The following LUZP2 variants were observed in gnomAD, a reference collection of about 807,000 sequenced individuals.
The protein encoded by LUZP2 is leucine zipper protein 2.
A neutral mutation model predicts 51.6 loss-of-function variants in LUZP2; 52 were observed. That is an observed-to-expected ratio of 1.01 (90% CI 0.81 to 1.27). The LOEUF is 1.27. LUZP2 is among the 50% of genes most tolerant of loss of function. LUZP2 has a pLI of 0.00. For synonymous variants in LUZP2, 154 were observed against 137.3 expected (o/e 1.12, Z -0.85); for missense variants, 436 against 395.4 (o/e 1.10, Z -0.87).
intron 1 of LUZP2, among the ~76,000 whole-genome samples, chr11:24,635,308 C>T (rs1855054272): frequency 6.6e-6 from 1 of 151,868 alleles, no homozygotes; most frequent in Admixed American, 6.6e-5. Context: ...AAAATGCAAA[C>T]ACTTGATCTT....
At chr11:24,625,810 G>A (rs893353096) in intron 1 of LUZP2, among the ~76,000 whole-genome samples, 2 of 152,068 alleles carry the variant, frequency 1.3e-5, no homozygotes, top group African/African-American at 2.4e-5. Context: ...TAAAGAAATA[G>A]AGTAGATTAG....
chr11:24,993,336 T>G (rs1294535455), intron 9 of LUZP2, among the ~76,000 whole-genome samples: 2 of 152,250 alleles, frequency 1.3e-5, no homozygotes, highest in East Asian at 3.9e-4. Flanking sequence ...GGTTAAAATG[T>G]CATAATGTAA....
chr11:24,972,901 G>A (rs537109303), intron 7 of LUZP2, among the ~76,000 whole-genome samples: 1 of 151,876 alleles, frequency 6.6e-6, no homozygotes, highest in Non-Finnish European at 1.5e-5. Flanking sequence ...TTTGTTGTAT[G>A]TCTGCCACGT....
intron 10 of LUZP2, among the ~76,000 whole-genome samples, chr11:25,058,648 A>C (rs923915310): frequency 2.6e-5 from 4 of 152,168 alleles, no homozygotes; most frequent in African/African-American, 9.7e-5. Flanking sequence ...AAAGGCTATA[A>C]AAATATTTGT....
intron 1 of LUZP2, among the ~76,000 whole-genome samples, chr11:24,672,294 T>G (rs975536887): frequency 1.3e-5 from 2 of 152,152 alleles, no homozygotes. Flanking sequence ...GAGTACAATA[T>G]GGTACTAAAC....
chr11:24,947,819 G>A (rs191632183), intron 7 of LUZP2, among the ~76,000 whole-genome samples: 37 of 151,896 alleles, frequency 2.4e-4, no homozygotes, highest in African/African-American at 6.7e-4. Context: ...TGAGAAAGCC[G>A]CTGTTGTTAG....
chr11:25,079,531 A>G lies in LUZP2; in HGVS notation c.*873A>G, dbSNP rs1859411698. 6.6e-6 allele frequency: 1 copy of G among 152,188 alleles called. No homozygotes were observed. Among genetic ancestry groups the G allele is most frequent in the Non-Finnish European group, 1.5e-5 (1 of 68,002 alleles). 9.4% of individuals were successfully genotyped at this position (152,188 alleles called of 1,614,324 possible). A position where few individuals can be genotyped will look rare whatever the true frequency, so the allele number is the denominator to read the frequency against. On this transcript the variant is annotated 3_prime_UTR_variant, in exon 12 of 12. Transcript: ENST00000336930. ...AAAGTACAATAGCCATGTTGATTCA[A>G]TAAACCCAGATGCATATTTTTTGAA... is the stretch of plus-strand genomic sequence containing the variant.
intron 9 of LUZP2, among the ~76,000 whole-genome samples, chr11:24,990,317 A>G (rs752539862): frequency 6.6e-6 from 1 of 152,046 alleles, no homozygotes; most frequent in African/African-American, 2.4e-5. Context: ...ATATACATAT[A>G]CCTTTATAAT....
At chr11:24,673,952 T>G (rs1187364700) in intron 1 of LUZP2, among the ~76,000 whole-genome samples, 1 of 152,232 alleles carries the variant, frequency 6.6e-6, no homozygotes, top group Non-Finnish European at 1.5e-5. Flanking sequence ...AACTTCAAAT[T>G]GATAAATCCC....
At chr11:24,908,836 A>G (rs11028268) in intron 6 of LUZP2, among the ~76,000 whole-genome samples, 1,608 of 150,868 alleles carry the variant, frequency 0.011, 27 homozygotes, top group African/African-American at 0.037. Context: ...GCTCACTGCA[A>G]GCTCCACCTC....
At chr11:24,984,303 G>C (rs1354416387) in intron 9 of LUZP2, among the ~76,000 whole-genome samples, 1 of 151,086 alleles carries the variant, frequency 6.6e-6, no homozygotes, top group Non-Finnish European at 1.5e-5. Flanking sequence ...GGGTAGATTA[G>C]GGAAATGCTA....
intron 1 of LUZP2, among the ~76,000 whole-genome samples, chr11:24,534,896 G>C (rs1015104988): frequency 6.6e-6 from 1 of 151,296 alleles, no homozygotes; most frequent in African/African-American, 2.4e-5. Flanking sequence ...TTTAAAACTT[G>C]AATTTCTAAG....
At chr11:24,706,601 T>C (rs557790497) in intron 1 of LUZP2, among the ~76,000 whole-genome samples, 3 of 152,228 alleles carry the variant, frequency 2.0e-5, no homozygotes, top group African/African-American at 7.2e-5. Flanking sequence ...TAAACTACCA[T>C]AAAATGGCTG....
At chr11:24,905,182 C>T (rs1853407678) in intron 5 of LUZP2, among the ~76,000 whole-genome samples, 1 of 151,932 alleles carries the variant, frequency 6.6e-6, no homozygotes, top group Non-Finnish European at 1.5e-5. Context: ...TACTTTAATA[C>T]CCCACTTTCA....
chr11:24,886,706 A>T (rs905847525), intron 5 of LUZP2, among the ~76,000 whole-genome samples: 1 of 152,202 alleles, frequency 6.6e-6, no homozygotes, highest in African/African-American at 2.4e-5. Flanking sequence ...TTCCTGAAAC[A>T]TTAAAAAGTG....
chr11:24,693,611 A>G (rs1391553437), intron 1 of LUZP2, among the ~76,000 whole-genome samples: 1 of 152,016 alleles, frequency 6.6e-6, no homozygotes, highest in East Asian at 1.9e-4. Context: ...TGTTTTTCAT[A>G]AAAGAAACTA....
chr11:24,637,578 A>AC (rs1377021193), intron 1 of LUZP2, among the ~76,000 whole-genome samples: 1 of 151,786 alleles, frequency 6.6e-6, no homozygotes, highest in African/African-American at 2.4e-5. Context: ...TCAAGGAATA[A>AC]CCCTGGGGAA....
intron 9 of LUZP2, among the ~76,000 whole-genome samples, chr11:24,995,009 G>A (rs73431573): frequency 1.5e-3 from 234 of 152,050 alleles, no homozygotes; most frequent in African/African-American, 5.3e-3. Context: ...ACCATAAAAC[G>A]TTTTATTTTC....
intron 8 of LUZP2, among the ~76,000 whole-genome samples, chr11:24,982,291 A>G (rs886993226): frequency 6.6e-6 from 1 of 151,862 alleles, no homozygotes; most frequent in African/African-American, 2.4e-5. Flanking sequence ...TTTTTCTTCC[A>G]TAAAGACACA....
Sources: gnomAD v4.1 joint callset for allele counts (sites outside exome capture counted in the v4.1 genomes callset) on GRCh38, gnomAD v4.1.1 for gene constraint, MANE v1.5 for transcripts, NCBI Gene and HGNC (gene_info 2026-07-23, HGNC 2026-07-21) for gene names.